The following BRWD1 variants were observed in gnomAD, a reference collection of about 807,000 sequenced individuals.
BRWD1 encodes the protein bromodomain and WD repeat-containing protein 1.
Under a neutral mutation model 251.2 loss-of-function variants are expected in BRWD1, and 82 were observed. The ratio of observed to expected loss-of-function variants is 0.33; its 90% CI spans 0.27 to 0.39. The LOEUF (loss-of-function observed/expected upper bound fraction) is 0.39. Ranked by LOEUF, BRWD1 falls within the 10% of genes least tolerant of loss-of-function variation. The probability of loss-of-function intolerance (pLI) is 1.00; values close to 1 mark genes in which losing one functional copy is unlikely to be tolerated. For synonymous variants in BRWD1, 918 were observed against 902.8 expected (o/e 1.02, Z -0.30); for missense variants, 2,233 against 2,711.6 (o/e 0.82, Z 3.92).
intron 34 of BRWD1, 26 bp downstream of exon 34, chr21:39,212,640 A>G (rs2032710359): frequency 4.0e-6 from 6 of 1,516,248 alleles, no homozygotes; most frequent in African/African-American, 1.4e-5. Context: ...AGAAACTACA[A>G]AAGTCAACCA....
In BRWD1 at chr21:39,232,379, A is replaced by T. The variant is rs2033649597; in HGVS notation, c.2886T>A (p.Gly962=). The change falls in exon 24 of 41, where the codon GGT becomes GGA. Residue 962 remains glycine (G), a synonymous_variant. Coordinates refer to ENST00000342449, the MANE Select transcript of BRWD1 (RefSeq NM_033656.4). ...LRKSPFVPQM[G]DEVIYFRQGH... ...AAATTTGTATTACTCTCACCTCATCACCCATTTGAGGAACAAAAGGAGATT... is the reference window on the plus strand; with the variant it reads ...AAATTTGTATTACTCTCACCTCATCTCCCATTTGAGGAACAAAAGGAGATT... 6.3e-7 allele frequency: 1 copy of T among 1,592,700 alleles called. No individual in the cohort carries two copies.
At chr21:39,249,946 GTGTGTGTGTGTA>G (rs1243407400) in intron 20 of BRWD1, among the ~76,000 whole-genome samples, 1 of 139,324 alleles carries the variant, frequency 7.2e-6, no homozygotes, top group Non-Finnish European at 1.6e-5. Context: ...GTGTGTGTGT[GTGTGTGTGTGTA>G]TACACACACA....
chr21:39,267,219 G>C lies in BRWD1; in HGVS notation c.1531-2200C>G, dbSNP rs575529052. On this transcript the variant is annotated intron_variant, in intron 15 of 40. Transcript: ENST00000342449. ...CATTTAATCAAAGGTCTAAGAACCT[G>C]AGAATCAAAGGTCTAAGAACCTGAG... Among the ~76,000 whole-genome samples the C allele has an allele frequency of 5.4e-5, 8 of 146,906 alleles. 1 individual carries two copies. In the South Asian group the frequency reaches 1.7e-3, roughly 31 times the overall value.
rs1327309800 is a variant in BRWD1 at position 39,313,121 on chromosome 21, G to C, written c.109-20C>G. The stretch of plus-strand genomic sequence containing the variant: ...CAGCACCTGCGGCCGAGAGACGCGC[G>C]GTCAGGGGTGGGGTCGGGCCCGGGG... On this transcript the variant is annotated intron_variant, in intron 2 of 40. Transcript: ENST00000342449. 4 of 1,496,026 alleles carry C rather than the reference G, an allele frequency of 2.7e-6. No individual in the cohort carries two copies. In the Admixed American group the frequency reaches 6.8e-5, roughly 25 times the overall value. 92.7% of individuals were successfully genotyped at this position (1,496,026 alleles called of 1,614,324 possible).
chr21:39,237,168 T>A (rs899520830), intron 22 of BRWD1, among the ~76,000 whole-genome samples: 25 of 152,074 alleles, frequency 1.6e-4, no homozygotes, highest in African/African-American at 5.8e-4. Flanking sequence ...ACTACCCCCA[T>A]GTTGGAGGAA....
intron 20 of BRWD1, among the ~76,000 whole-genome samples, chr21:39,248,641 CAAAAAAAAAAAAAAAAAAAAAAAAAAAA>C (rs375430016): frequency 4.8e-5 from 4 of 83,284 alleles, no homozygotes; most frequent in Non-Finnish European, 9.1e-5. Context: ...CCCTATCTCC[CAAAAAAAAAAAAAAAAAAAAAAAAAAAA>C]AAAAAAAAAA....
chr21:39,248,817 A>T (rs1417499953), intron 20 of BRWD1, among the ~76,000 whole-genome samples: 1 of 152,126 alleles, frequency 6.6e-6, no homozygotes, highest in African/African-American at 2.4e-5. Flanking sequence ...CCCTCAAAGA[A>T]CTTAAAACAG....
Position 39,190,431 on chromosome 21 carries a change from C to G in BRWD1, c.*5828G>C. 1.0e-6 allele frequency: 1 copy of G among 985,324 alleles called. No homozygotes were observed. Among genetic ancestry groups the G allele is most frequent in the South Asian group, 4.7e-5 (1 of 21,286 alleles). The allele number at this position is 985,324 out of a possible 1,614,324, so 61.0% of individuals were successfully genotyped here. On this transcript the variant is annotated 3_prime_UTR_variant, in exon 41 of 41. Coordinates refer to ENST00000342449, the MANE Select transcript of BRWD1 (RefSeq NM_033656.4). ...ATGTCTGACTCAAAATGAAAACATA[C>G]TAGCCTCTTTCATAAACTCCTAGAA...
upstream of BRWD1, chr21:39,317,313 CAAG>C (rs1238597073): frequency 6.6e-6 from 1 of 152,192 alleles, no homozygotes; most frequent in Middle Eastern, 3.2e-3. Context: ...AGTTTCACCA[CAAG>C]AAAGCTACAT....
At chr21:39,290,672 A>T (rs1392517302) in intron 8 of BRWD1, among the ~76,000 whole-genome samples, 1 of 152,154 alleles carries the variant, frequency 6.6e-6, no homozygotes, top group Admixed American at 6.5e-5. Context: ...AAATTTTCTT[A>T]TTTGCTGCTA....
At chr21:39,219,134 A>G (rs1262456907) in intron 29 of BRWD1, among the ~76,000 whole-genome samples, 6 of 152,138 alleles carry the variant, frequency 3.9e-5, no homozygotes, top group Admixed American at 3.9e-4. Flanking sequence ...TGAAAAAATA[A>G]GGAGAAGCAG....
chr21:39,237,728 T>C (rs1309868043), intron 22 of BRWD1, among the ~76,000 whole-genome samples: 2 of 152,222 alleles, frequency 1.3e-5, no homozygotes, highest in Non-Finnish European at 2.9e-5. Context: ...AACAAGGTTC[T>C]GGAGACTGGC....
At chr21:39,262,612 G>A (rs1173745935) in intron 17 of BRWD1, among the ~76,000 whole-genome samples, 1 of 152,100 alleles carries the variant, frequency 6.6e-6, no homozygotes, top group African/African-American at 2.4e-5. Context: ...CTACTCAGGA[G>A]GCTGAGGCAG....
intron 17 of BRWD1, among the ~76,000 whole-genome samples, chr21:39,259,224 C>A (rs935310097): frequency 4.0e-4 from 61 of 152,322 alleles, no homozygotes; most frequent in African/African-American, 1.4e-3. Context: ...ACAAGCCTCT[C>A]CGACTAATCT....
rs149379602 is a variant in BRWD1 at position 39,232,435 on chromosome 21, G to A, written c.2830C>T (p.Pro944Ser). ...NMEHLYEFHP[P>S]VWITDTTLRK... ...AGTGTGGTGTCAGTAATCCAAACTG[G>A]AGGGTGAAATTCATATAAATGCTCC... The change falls in exon 24 of 41, where the codon CCA becomes TCA. Residue 944 changes from proline to serine, a missense_variant. Pro to Ser is a moderately conservative substitution (Grantham distance 74). This residue lies in a region of BRWD1 where 139 missense variants were observed against 272.8 expected (regional missense o/e 0.51). Coordinates refer to ENST00000342449, the MANE Select transcript of BRWD1 (RefSeq NM_033656.4). The A allele has an allele frequency of 1.0e-5, 16 of 1,591,506 alleles. No individual in the cohort carries two copies. The African/African-American group carries it at 1.6e-4, about 16-fold the overall frequency.
chr21:39,217,014 T>A (rs1281593154), intron 31 of BRWD1: 5 of 19,528 alleles, frequency 2.6e-4, no homozygotes, highest in South Asian at 1.6e-3. Context: ...CCCACAAATA[T>A]ATATATATAT....
rs1278690636 is a variant in BRWD1 at position 39,195,688 on chromosome 21, C to A, written c.*571G>T. On this transcript the variant is annotated 3_prime_UTR_variant, in exon 41 of 41. Coordinates refer to ENST00000342449, the MANE Select transcript of BRWD1 (RefSeq NM_033656.4). ...TTGGGAAGAAAATTAGAAACCATTT[C>A]AATGAAAGTGACCAGATCTGGTATA... 8.1e-6 allele frequency: 8 copies of A among 984,918 alleles called. No homozygotes were observed. The highest frequency in any genetic ancestry group is 9.6e-6 in the Non-Finnish European group (8 of 829,658). The allele number at this position is 984,918 out of a possible 1,614,324, so 61.0% of individuals were successfully genotyped here. A position where few individuals can be genotyped will look rare whatever the true frequency, so the allele number is the denominator to read the frequency against.
At position 39,264,936 on chromosome 21, in the gene BRWD1, C is replaced by T. The variant is rs2034872755; in HGVS notation, c.1614G>A (p.Gly538=). The T allele has an allele frequency of 2.5e-6, 4 of 1,613,656 alleles. No homozygotes were observed. Among genetic ancestry groups the T allele is most frequent in the Non-Finnish European group, 2.5e-6 (3 of 1,179,842 alleles). The change falls in exon 16 of 41, where the codon GGG becomes GGA. Residue 538 remains glycine, a synonymous_variant. Coordinates refer to ENST00000342449, the MANE Select transcript of BRWD1 (RefSeq NM_033656.4). ...ATCCAAAACCAAATATCAGAAGGTG[C>T]CCATGAGAATCTGTACAGGCAAAAT... The part of the protein sequence containing the change: ...GQHFACTDSH[G]HLLIFGFGCS...
In BRWD1 at chr21:39,212,093, A is replaced by G. The variant is rs546344831; in HGVS notation, c.3900+573T>C. On this transcript the variant is annotated intron_variant, in intron 34 of 40. Transcript: ENST00000342449. Reference sequence around the variant, plus strand: ...CACCAAATCCTAGTTAGTTTTCCCTAAAAAGGTGTCATAATTTTCCTTTCC... The same window carrying G: ...CACCAAATCCTAGTTAGTTTTCCCTGAAAAGGTGTCATAATTTTCCTTTCC... Among the ~76,000 whole-genome samples the G allele has an allele frequency of 6.6e-5, 10 of 152,240 alleles. No individual in the cohort carries two copies. In the South Asian group the frequency reaches 2.1e-3, roughly 32 times the overall value.
Sources: gnomAD v4.1 joint callset for allele counts (sites outside exome capture counted in the v4.1 genomes callset) on GRCh38, gnomAD v4.1.1 for gene constraint, gnomAD v4.1.1 regional missense constraint, MANE v1.5 for transcripts, NCBI Gene and HGNC (gene_info 2026-07-23, HGNC 2026-07-21) for gene names.